The following SSBP4 variants were observed in gnomAD, a reference collection of about 807,000 sequenced individuals.
SSBP4 encodes single stranded DNA binding protein 4.
In SSBP4, 33 loss-of-function variants were observed where a neutral mutation model predicts 64.6. The ratio of observed to expected loss-of-function variants is 0.51; its 90% CI spans 0.39 to 0.68. The LOEUF is 0.68. Ranked by LOEUF, SSBP4 falls within the 30% of genes least tolerant of loss-of-function variation. The pLI is 0.00. For missense variants in SSBP4, 583 were observed against 566.8 expected (o/e 1.03, Z -0.29); for synonymous variants, 243 against 224.0 (o/e 1.08, Z -0.76).
At chr19:18,418,649 C>T (rs944117194), upstream of SSBP4, among the ~76,000 whole-genome samples, 1 of 152,184 alleles carries the variant, frequency 6.6e-6, no homozygotes, top group African/African-American at 2.4e-5. This position sits in a 1 kb window ranked among gnomAD's most constrained non-coding sequence, Gnocchi z 6.7. Context: ...TGTCTGTGTG[C>T]CTGGGTTGTG....
chr19:18,431,014 G>A lies in SSBP4; in HGVS notation c.369+84G>A, dbSNP rs1432654351. ...TGGGGGGGGTCCCACGTGGGCAGAG[G>A]TCATGAGGCCGGCAGGCTGGAGTTG... On this transcript the variant is annotated intron_variant, in intron 5 of 17. Coordinates refer to ENST00000270061, the MANE Select transcript of SSBP4 (RefSeq NM_032627.5). 12 of 1,484,738 alleles carry A rather than the reference G, an allele frequency of 8.1e-6. No individual in the cohort carries two copies. In the Admixed American group the frequency reaches 9.3e-5, roughly 12 times the overall value. 92.0% of individuals were successfully genotyped at this position (1,484,738 alleles called of 1,614,324 possible).
Position 18,434,497 on chromosome 19 carries a change from C to T in SSBP4, c.*251C>T. The T allele has an allele frequency of 2.7e-6, 2 of 746,684 alleles. No individual in the cohort carries two copies. The highest frequency in any genetic ancestry group is 4.0e-6 in the Non-Finnish European group (2 of 506,078). 46.3% of individuals were successfully genotyped at this position (746,684 alleles called of 1,614,324 possible). On this transcript the variant is annotated 3_prime_UTR_variant, in exon 18 of 18. Coordinates refer to ENST00000270061, the MANE Select transcript of SSBP4 (RefSeq NM_032627.5). Reference sequence around the variant, plus strand: ...CAGAGAGAAAGGCTCTTTGGGGGGCCCCTCTCCCCAGGACGTCAGGGGGTG... The same window carrying T: ...CAGAGAGAAAGGCTCTTTGGGGGGCTCCTCTCCCCAGGACGTCAGGGGGTG...
rs1445593295 is a variant in SSBP4 at position 18,419,738 on chromosome 19, G to C, written c.59+31G>C. 2.6e-6 allele frequency: 3 copies of C among 1,133,980 alleles called. No homozygotes were observed. The East Asian group carries it at 1.3e-4, about 51-fold the overall frequency. The allele number at this position is 1,133,980 out of a possible 1,614,324, so 70.2% of individuals were successfully genotyped here. A position where few individuals can be genotyped will look rare whatever the true frequency, so the allele number is the denominator to read the frequency against. On this transcript the variant is annotated intron_variant, in intron 1 of 17. Transcript: ENST00000270061. ...TGCGGGGCCGGGGGCGGGGCTCGGC[G>C]TCCGCGCTCTTCCGTGGGCTCCGGC...
intron 17 of SSBP4, 27 bp from the exon 18 acceptor site, chr19:18,434,190 G>A: frequency 6.2e-7 from 1 of 1,610,128 alleles, no homozygotes; most frequent in Non-Finnish European, 8.5e-7. Flanking sequence ...CTCGGCCCCT[G>A]CGCGCTGCCC....
At chr19:18,409,504 AT>A in the SSBP4 span, among the ~76,000 whole-genome samples, 6 of 151,688 alleles carry the variant, frequency 4.0e-5, no homozygotes, top group East Asian at 9.7e-4. Context: ...TTCTTTTATT[AT>A]TTTACTTTCT....
In SSBP4 at chr19:18,428,552, C is replaced by T. The variant is rs113778046; in HGVS notation, c.279+570C>T. On this transcript the variant is annotated intron_variant, in intron 4 of 17. Transcript: ENST00000270061. ...CTGGCTAACACTAGGGGATGGCAGC[C>T]TCCTGTTGTCATGGGGCAGCAGATG... 2.2e-3 allele frequency among the ~76,000 whole-genome samples: 334 copies of T among 152,292 alleles called. 1 individual carries two copies. Among genetic ancestry groups the T allele is most frequent in the African/African-American group, 7.5e-3 (310 of 41,560 alleles).
chr19:18,423,418 G>C lies in SSBP4; in HGVS notation c.59+3711G>C, dbSNP rs992643731. ...GCCACTTTGCCAAGAAGCTGCCAGA[G>C]GCCTGGCCTTTAGGGTTGGCAGAGG... On this transcript the variant is annotated intron_variant, in intron 1 of 17. Transcript: ENST00000270061. The surrounding 1 kb of genome is among the most constrained non-coding windows in gnomAD (Gnocchi z 4.0). Among the ~76,000 whole-genome samples the C allele has an allele frequency of 4.6e-5, 7 of 152,160 alleles. No homozygotes were observed. Among genetic ancestry groups the C allele is most frequent in the African/African-American group, 1.7e-4 (7 of 41,424 alleles).
In SSBP4 at chr19:18,432,565, A is replaced by G. The variant is rs1319894731; in HGVS notation, c.711A>G (p.Pro237=). The change falls in exon 11 of 18, where the codon CCA becomes CCG. Residue 237 remains proline, a synonymous_variant. Coordinates refer to ENST00000270061, the MANE Select transcript of SSBP4 (RefSeq NM_032627.5). ...CATCCGCGGTCTCTTCCAGGGGCCC[A>G]GGAGTTCGTGGCCCGTGGGCCAGCC... The part of the protein sequence containing the change: ...GPGLPAMNMG[P]GVRGPWASPS... The G allele has an allele frequency of 6.6e-7, 1 of 1,505,984 alleles. No homozygotes were observed. Among genetic ancestry groups the G allele is most frequent in the Non-Finnish European group, 8.9e-7 (1 of 1,120,622 alleles). The allele number at this position is 1,505,984 out of a possible 1,614,324, so 93.3% of individuals were successfully genotyped here.
chr19:18,405,475 A>G, the SSBP4 span, among the ~76,000 whole-genome samples: 1 of 149,076 alleles, frequency 6.7e-6, no homozygotes, highest in Non-Finnish European at 1.5e-5. Flanking sequence ...AGCCTGGGCA[A>G]CATAGTGAGA....
the SSBP4 span, among the ~76,000 whole-genome samples, chr19:18,404,923 A>G: frequency 6.8e-6 from 1 of 147,510 alleles, no homozygotes; most frequent in Non-Finnish European, 1.5e-5. Context: ...ATAAATATTC[A>G]GAGACATTGA....
upstream of SSBP4, chr19:18,418,895 G>A: frequency 1.1e-6 from 1 of 907,448 alleles, no homozygotes; most frequent in Non-Finnish European, 1.3e-6. This position sits in a 1 kb window ranked among gnomAD's most constrained non-coding sequence, Gnocchi z 6.7. Context: ...TTCCAGGACG[G>A]CCACTGTGAG....
At chr19:18,418,110 C>G (rs1433188043), upstream of SSBP4, among the ~76,000 whole-genome samples, 2 of 152,148 alleles carry the variant, frequency 1.3e-5, no homozygotes, top group Non-Finnish European at 2.9e-5. This position sits in a 1 kb window ranked among gnomAD's most constrained non-coding sequence, Gnocchi z 6.7. Flanking sequence ...CTCGGCCCGA[C>G]TCGGACCCAC....
In SSBP4 at chr19:18,432,172, C is replaced by T; in HGVS notation, c.662C>T (p.Pro221Leu). 6.2e-7 allele frequency: 1 copy of T among 1,613,184 alleles called. No individual in the cohort carries two copies. Among genetic ancestry groups the T allele is most frequent in the African/African-American group, 1.3e-5 (1 of 75,068 alleles). ...AGCTATGGAGGTGGCATGCGACCCC[C>T]ACCCAACTCCCTCGCCGGCCCAGGC... ...PQSYGGGMRP[P>L]PNSLAGPGLP... Residue 221 changes from proline (P) to leucine (L), a missense_variant, in exon 10 of 18, where the codon CCA becomes CTA. Coordinates refer to ENST00000270061, the MANE Select transcript of SSBP4 (RefSeq NM_032627.5).
chr19:18,420,246 T>G (rs1158393608), intron 1 of SSBP4: 1 of 151,652 alleles, frequency 6.6e-6, no homozygotes, highest in Non-Finnish European at 1.5e-5. Context: ...CCAGCAGCTG[T>G]GTGGGGCCCC....
At chr19:18,403,161 T>C in the SSBP4 span, among the ~76,000 whole-genome samples, 4 of 152,230 alleles carry the variant, frequency 2.6e-5, no homozygotes, top group African/African-American at 9.6e-5. Context: ...CCAGGCACAG[T>C]ACCTGCTCTT....
chr19:18,432,949 T>C lies in SSBP4; in HGVS notation c.842-24T>C, dbSNP rs112207016. ...TGTTTGGGGGAAACCCCGTCACACCTGGCACCCTTCTGGTCTCCCCCAGAT... is the reference window on the plus strand; with the variant it reads ...TGTTTGGGGGAAACCCCGTCACACCCGGCACCCTTCTGGTCTCCCCCAGAT... On this transcript the variant is annotated intron_variant, in intron 13 of 17. Transcript: ENST00000270061. 5.0e-4 allele frequency: 803 copies of C among 1,614,102 alleles called. 3 individuals are homozygous for C. The African/African-American group carries it at 9.0e-3, about 18-fold the overall frequency.
upstream of SSBP4, chr19:18,419,272 C>T (rs1009112598): frequency 2.1e-5 from 21 of 995,262 alleles, no homozygotes; most frequent in Non-Finnish European, 2.4e-5. Context: ...GCGGCGGGCA[C>T]TGCGCGTGCG....
At chr19:18,416,939 T>C (rs1972140387), upstream of SSBP4, among the ~76,000 whole-genome samples, 1 of 152,196 alleles carries the variant, frequency 6.6e-6, no homozygotes, top group African/African-American at 2.4e-5. Context: ...CCCTCGCACT[T>C]TTCCGCCAGC....
chr19:18,404,090 T>C, the SSBP4 span, among the ~76,000 whole-genome samples: 243 of 151,714 alleles, frequency 1.6e-3, no homozygotes, highest in Non-Finnish European at 2.8e-3. Context: ...TCAGAAACAC[T>C]TGGGGGCCAC....
Sources: gnomAD v4.1 joint callset for allele counts (sites outside exome capture counted in the v4.1 genomes callset) on GRCh38, gnomAD v4.1.1 for gene constraint, Gnocchi (gnomAD v3.1) non-coding constraint, MANE v1.5 for transcripts, NCBI Gene and HGNC (gene_info 2026-07-23, HGNC 2026-07-21) for gene names.